The following PMPCA variants were observed in gnomAD, a reference collection of about 807,000 sequenced individuals.
The protein encoded by PMPCA is peptidase, mitochondrial processing subunit alpha, also known as mitochondrial-processing peptidase subunit alpha.
A neutral mutation model predicts 59.3 loss-of-function variants in PMPCA; 47 were observed. That is an observed-to-expected ratio of 0.79 (90% CI 0.63 to 1.01). PMPCA has a LOEUF of 1.01. Ranked by LOEUF, PMPCA falls within the 50% of genes least tolerant of loss-of-function variation. The probability of loss-of-function intolerance (pLI) is 0.00; values close to 1 mark genes in which losing one functional copy is unlikely to be tolerated. For missense variants in PMPCA, 726 were observed against 704.5 expected (o/e 1.03, Z -0.34); for synonymous variants, 338 against 290.3 (o/e 1.16, Z -1.67).
chr9:136,412,689 CT>C (rs1193086027), intron 3 of PMPCA, 120 bp downstream of exon 3: 1 of 803,926 alleles, frequency 1.2e-6, no homozygotes, highest in African/African-American at 1.7e-5. Context: ...TAATAAAAGA[CT>C]TTTAAGTTAA....
At chr9:136,422,661 C>A (rs1351084120) in intron 12 of PMPCA, 1 of 1,011,184 alleles carries the variant, frequency 9.9e-7, no homozygotes, top group East Asian at 9.5e-5. Flanking sequence ...GCCTCGTTTT[C>A]TGTAGAAAAC....
intron 2 of PMPCA, 129 bp downstream of exon 2, chr9:136,412,328 A>G: frequency 1.2e-6 from 1 of 832,718 alleles, no homozygotes; most frequent in East Asian, 2.4e-5. Context: ...GTACGATTTC[A>G]TAAATGTTGA....
At chr9:136,419,230 AGGGC>A (rs1255952213) in intron 11 of PMPCA, 124 bp downstream of exon 11, 6 of 900,922 alleles carry the variant, frequency 6.7e-6, no homozygotes, top group Non-Finnish European at 1.1e-5. Flanking sequence ...CCGGCAGGGC[AGGGC>A]AGGGCAGGGC....
At chr9:136,419,523 G>T in intron 11 of PMPCA, 1 of 293,574 alleles carries the variant, frequency 3.4e-6, no homozygotes, top group South Asian at 4.1e-5. Context: ...GCTGCAGCGT[G>T]GGGTGTCTCG....
intron 11 of PMPCA, among the ~76,000 whole-genome samples, chr9:136,421,444 C>T (rs1330074850): frequency 2.2e-5 from 3 of 137,156 alleles, no homozygotes; most frequent in African/African-American, 5.3e-5. Context: ...GAGTCTTGCT[C>T]TGTCGCCCAG....
rs201495107 is a variant in PMPCA, at chr9:136,418,080, A to G, written c.961A>G (p.Met321Val). ...CCCCATCCCCGAGCTCACGCACATC[A>G]TGGTTGGACTGGAGAGCTGCTCCTT... ...PTPIPELTHI[M>V]VGLESCSFLE... is the part of the protein sequence containing the mutation. The change falls in exon 8 of 13, where the codon ATG (methionine) becomes GTG (valine). Residue 321 changes from methionine (M) to valine (V), a missense_variant. Met to Val is a conservative substitution (Grantham distance 21, BLOSUM62 1). Transcript: ENST00000371717. The G allele has an allele frequency of 1.2e-6, 2 of 1,613,534 alleles. No individual in the cohort carries two copies. Among genetic ancestry groups the G allele is most frequent in the East Asian group, 2.2e-5 (1 of 44,876 alleles).
intron 11 of PMPCA, chr9:136,420,963 G>A (rs917677643): frequency 3.3e-5 from 5 of 151,024 alleles, no homozygotes; most frequent in Admixed American, 2.0e-4. Context: ...GCATCTCTGC[G>A]GCCCATCAGT....
Position 136,418,869 on chromosome 9 carries a change from A to G in PMPCA, c.1151A>G (p.Tyr384Cys), listed in dbSNP as rs1338408845. ...AACGCGACCTCCTACCACCACAGCT[A>G]CGAGGACACTGGCCTCCTTTGCATC... ...MYNATSYHHS[Y>C]EDTGLLCIHA... Residue 384 changes from tyrosine (Y) to cysteine (C), a missense_variant, in exon 10 of 13, where the codon TAC (tyrosine) becomes TGC (cysteine). By Grantham distance (194) the Tyr-to-Cys change is radical. Coordinates refer to ENST00000371717, the MANE Select transcript of PMPCA (RefSeq NM_015160.3). The G allele has an allele frequency of 6.8e-6, 11 of 1,613,414 alleles. No individual in the cohort carries two copies. Among genetic ancestry groups the G allele is most frequent in the Non-Finnish European group, 9.3e-6 (11 of 1,179,988 alleles).
At chr9:136,418,417 C>T in intron 8 of PMPCA, 138 bp from the exon 9 acceptor site, 1 of 700,160 alleles carries the variant, frequency 1.4e-6, no homozygotes, top group Non-Finnish European at 2.6e-6. Context: ...GCCAGCTCTG[C>T]CCTCCGTCCC....
At position 136,418,145 on chromosome 9, in the gene PMPCA, T is replaced by C. The variant is rs756168070; in HGVS notation, c.990+36T>C. ...GTGCTGGGTCTGATGGCGTTCCTGA[T>C]GCAGTGTGGCCGGCTCAGCCAGCCC... On this transcript the variant is annotated intron_variant, in intron 8 of 12. Transcript: ENST00000371717. 1.6e-5 allele frequency: 24 copies of C among 1,454,718 alleles called. No individual in the cohort carries two copies. In the South Asian group the frequency reaches 2.7e-4, roughly 17 times the overall value. The allele number at this position is 1,454,718 out of a possible 1,614,324, so 90.1% of individuals were successfully genotyped here. A position where few individuals can be genotyped will look rare whatever the true frequency, so the allele number is the denominator to read the frequency against.
At chr9:136,417,838 C>T (rs1237751749) in intron 7 of PMPCA, among the ~76,000 whole-genome samples, 179 bp from the exon 8 acceptor site, 1 of 151,498 alleles carries the variant, frequency 6.6e-6, no homozygotes, top group Non-Finnish European at 1.5e-5. Flanking sequence ...GTCTTGAACT[C>T]CTGGACTCAA....
Position 136,423,184 on chromosome 9 carries a change from C to T in PMPCA, c.1498C>T (p.Leu500=), listed in dbSNP as rs755101763. 6.2e-7 allele frequency: 1 copy of T among 1,613,818 alleles called. No individual in the cohort carries two copies. The highest frequency in any genetic ancestry group is 8.5e-7 in the Non-Finnish European group (1 of 1,180,036). The change falls in exon 13 of 13, where the codon CTG becomes TTG. Residue 500 remains leucine (L), a synonymous_variant. Transcript: ENST00000371717. ...GGCCGCCCTGGGTGACCTGACTGACCTGCCCACGTATGAGCACATCCAGAC... is the reference window on the plus strand; with the variant it reads ...GGCCGCCCTGGGTGACCTGACTGACTTGCCCACGTATGAGCACATCCAGAC... The part of the protein sequence containing the change: ...AVAALGDLTD[L]PTYEHIQTAL...
In PMPCA at chr9:136,410,673, C is replaced by A; in HGVS notation, c.5C>A (p.Ala2Glu). 7.1e-7 allele frequency: 1 copy of A among 1,409,548 alleles called. No homozygotes were observed. The highest frequency in any genetic ancestry group is 1.7e-5 in the South Asian group (1 of 58,400). The allele number at this position is 1,409,548 out of a possible 1,614,324, so 87.3% of individuals were successfully genotyped here. A position where few individuals can be genotyped will look rare whatever the true frequency, so the allele number is the denominator to read the frequency against. M[A>E]AVVLAATRLL... ...GAAGCGGGGCGGAGACGCAAGATGGCGGCTGTGGTGCTGGCGGCGACGCGG... is the reference window on the plus strand; with the variant it reads ...GAAGCGGGGCGGAGACGCAAGATGGAGGCTGTGGTGCTGGCGGCGACGCGG... Residue 2 changes from alanine (A) to glutamate (E), a missense_variant, in exon 1 of 13, where the codon GCG (alanine) becomes GAG (glutamate). Ala to Glu is a moderately radical substitution (Grantham distance 107, BLOSUM62 -1). Transcript: ENST00000371717.
In PMPCA at chr9:136,412,860, G is replaced by T; in HGVS notation, c.405G>T (p.Lys135Asn). ...ATGAAATTCTGCTTACGTTGGAAAAGCATGGGGGTATCTGTGACTGCCAGA... is the reference window on the plus strand; with the variant it reads ...ATGAAATTCTGCTTACGTTGGAAAATCATGGGGGTATCTGTGACTGCCAGA... Reference protein sequence around the residue: ...SKDEILLTLEKHGGICDCQTS... With the variant: ...SKDEILLTLENHGGICDCQTS... The change falls in exon 4 of 13, where the codon AAG (lysine) becomes AAT (asparagine). Residue 135 changes from lysine to asparagine, a missense_variant. By Grantham distance (94) the Lys-to-Asn change is moderately conservative (BLOSUM62 0). Transcript: ENST00000371717. The T allele has an allele frequency of 6.2e-7, 1 of 1,609,262 alleles. No individual in the cohort carries two copies. Among genetic ancestry groups the T allele is most frequent in the Non-Finnish European group, 8.5e-7 (1 of 1,175,710 alleles).
intron 11 of PMPCA, among the ~76,000 whole-genome samples, chr9:136,421,296 C>T (rs1835441124): frequency 6.6e-6 from 1 of 152,190 alleles, no homozygotes; most frequent in African/African-American, 2.4e-5. Context: ...GCACATTGCT[C>T]CTGTATTTCA....
chr9:136,411,844 C>G (rs1337997058), intron 1 of PMPCA, among the ~76,000 whole-genome samples, 153 bp from the exon 2 acceptor site: 1 of 152,240 alleles, frequency 6.6e-6, no homozygotes, highest in Non-Finnish European at 1.5e-5. Context: ...TTGTCAGCCT[C>G]TGCTTTGTCT....
intron 12 of PMPCA, chr9:136,422,524 G>T: frequency 9.8e-7 from 1 of 1,022,152 alleles, no homozygotes; most frequent in Non-Finnish European, 1.2e-6. Context: ...CGGGCTTATG[G>T]TGTCACCTGT....
Position 136,410,660 on chromosome 9 carries a change from A to G in PMPCA, c.-9A>G, listed in dbSNP as rs1296036046. 5.0e-6 allele frequency: 7 copies of G among 1,397,606 alleles called. No individual in the cohort carries two copies. The Admixed American group carries it at 1.2e-4, about 25-fold the overall frequency. The allele number at this position is 1,397,606 out of a possible 1,614,324, so 86.6% of individuals were successfully genotyped here. ...GGAAGTGACGACTGAAGCGGGGCGG[A>G]GACGCAAGATGGCGGCTGTGGTGCT... is the stretch of plus-strand genomic sequence containing the variant. On this transcript the variant is annotated 5_prime_UTR_variant, in exon 1 of 13. Coordinates refer to ENST00000371717, the MANE Select transcript of PMPCA (RefSeq NM_015160.3).
chr9:136,418,035 A>G lies in PMPCA; in HGVS notation c.916A>G (p.Asn306Asp), dbSNP rs1249757103. The G allele has an allele frequency of 6.2e-7, 1 of 1,613,470 alleles. No individual in the cohort carries two copies. The highest frequency in any genetic ancestry group is 1.7e-5 in the Admixed American group (1 of 60,028). The change falls in exon 8 of 13, where the codon AAT becomes GAT. Residue 306 changes from asparagine to aspartate, a missense_variant. Transcript: ENST00000371717. ...GIAKLERDMSNVSLGPTPIPE... is the reference protein window; with the variant it reads ...GIAKLERDMSDVSLGPTPIPE... ...GTTACAGCTAGAAAGAGACATGTCC[A>G]ATGTCAGCCTGGGCCCGACCCCCAT...
Sources: gnomAD v4.1 joint callset for allele counts (sites outside exome capture counted in the v4.1 genomes callset) on GRCh38, gnomAD v4.1.1 for gene constraint, MANE v1.5 for transcripts, NCBI Gene and HGNC (gene_info 2026-07-23, HGNC 2026-07-21) for gene names.